ZC3H12B: variants seen among roughly 807,000 people sequenced by gnomAD.
ZC3H12B encodes probable ribonuclease ZC3H12B.
ZC3H12B carries 7 observed loss-of-function variants against 43.9 expected under a neutral mutation model. The ratio of observed to expected loss-of-function variants is 0.16; its 90% CI spans 0.09 to 0.30. The LOEUF (loss-of-function observed/expected upper bound fraction) is 0.30. ZC3H12B is among the 10% of genes least tolerant of loss of function. The probability of loss-of-function intolerance (pLI) is 1.00; values close to 1 mark genes in which losing one functional copy is unlikely to be tolerated. For missense variants in ZC3H12B, 475 were observed against 670.2 expected (o/e 0.71, Z 3.22); for synonymous variants, 222 against 241.7 (o/e 0.92, Z 0.76).
At chrX:65,186,131 G>T in the ZC3H12B span, 2 of 111,544 alleles carry the variant, frequency 1.8e-5, no homozygotes, top group Non-Finnish European at 3.8e-5. Context: ...ATTACTCTTT[G>T]TGTCTTTCAC....
chrX:65,379,551 T>A (rs2066404885), intron 2 of ZC3H12B, among the ~76,000 whole-genome samples: 1 of 111,716 alleles, frequency 9.0e-6, no homozygotes, highest in African/African-American at 3.3e-5. Context: ...GCAGAGCGCC[T>A]CTCCTCCTCC....
chrX:65,493,860 C>T (rs1387004825), intron 1 of ZC3H12B, among the ~76,000 whole-genome samples: 1 of 111,460 alleles, frequency 9.0e-6, no homozygotes, highest in African/African-American at 3.3e-5. Context: ...CTTTATTTTC[C>T]TCTTTTTTTT....
At chrX:65,382,977 T>G (rs1399873286) in intron 2 of ZC3H12B, among the ~76,000 whole-genome samples, 1 of 111,165 alleles carries the variant, frequency 9.0e-6, no homozygotes, top group Non-Finnish European at 1.9e-5. Context: ...TGGAAGAACA[T>G]TCCATGCTCA....
the ZC3H12B span, among the ~76,000 whole-genome samples, chrX:65,171,631 C>T: frequency 9.0e-6 from 1 of 111,402 alleles, no homozygotes; most frequent in African/African-American, 3.3e-5. Flanking sequence ...CTATGCTGTG[C>T]CCCCAGAGGT....
the ZC3H12B span, among the ~76,000 whole-genome samples, chrX:65,207,784 C>T: frequency 1.3e-3 from 87 of 65,739 alleles, no homozygotes; most frequent in Non-Finnish European, 2.0e-3. Flanking sequence ...GCCATTTTCA[C>T]GATATTGATT....
chrX:65,274,727 C>T, the ZC3H12B span, among the ~76,000 whole-genome samples: 1 of 110,661 alleles, frequency 9.0e-6, no homozygotes, highest in Non-Finnish European at 1.9e-5. Flanking sequence ...CCACAGCACC[C>T]TCCCCACTCA....
At chrX:65,178,782 G>A in the ZC3H12B span, among the ~76,000 whole-genome samples, 1 of 112,152 alleles carries the variant, frequency 8.9e-6, no homozygotes, top group African/African-American at 3.2e-5. Flanking sequence ...AGAGGATGTG[G>A]AGAAATAGGA....
At chrX:65,058,084 C>T in the ZC3H12B span, among the ~76,000 whole-genome samples, 1 of 112,486 alleles carries the variant, frequency 8.9e-6, no homozygotes, top group Non-Finnish European at 1.9e-5. Flanking sequence ...CTCTCAACTC[C>T]TCAGAGGCAT....
At chrX:65,143,218 G>C in the ZC3H12B span, among the ~76,000 whole-genome samples, 1 of 110,767 alleles carries the variant, frequency 9.0e-6, no homozygotes, top group Non-Finnish European at 1.9e-5. Context: ...GCTCTTTCAC[G>C]TTCTTGGTTA....
At chrX:65,466,915 A>AACATATATAT (rs1320106217) in intron 3 of ZC3H12B, among the ~76,000 whole-genome samples, 1 of 23,932 alleles carries the variant, frequency 4.2e-5, no homozygotes, top group Non-Finnish European at 1.6e-4. Context: ...TATAAAACCA[A>AACATATATAT]ATATATATAT....
intron 3 of ZC3H12B, among the ~76,000 whole-genome samples, chrX:65,407,420 G>C (rs1264379648): frequency 8.8e-6 from 1 of 113,034 alleles, no homozygotes; most frequent in East Asian, 2.8e-4. Context: ...TCCCCGCCTA[G>C]TCATCCCTCG....
the ZC3H12B span, among the ~76,000 whole-genome samples, chrX:65,299,029 G>A: frequency 9.0e-6 from 1 of 111,566 alleles, no homozygotes; most frequent in African/African-American, 3.3e-5. Flanking sequence ...TGACACGTGG[G>A]GATAATGGGG....
In ZC3H12B at chrX:65,402,422, C is replaced by A. The variant is rs2066774527; in HGVS notation, n.407+3718C>A. ...CCTGAAGGGAAGGACACAGGCCTGG[C>A]TGGCTTTGCCACCTGGTGATTATAG... is the stretch of plus-strand genomic sequence containing the variant. On this transcript the variant is annotated intron_variant and non_coding_transcript_variant, in intron 3 of 5. Transcript: ENST00000617377. Among the ~76,000 whole-genome samples, 3 of 111,881 alleles carry A rather than the reference C, an allele frequency of 2.7e-5. No homozygotes were observed. In the South Asian group the frequency reaches 1.1e-3, roughly 42 times the overall value.
the ZC3H12B span, among the ~76,000 whole-genome samples, chrX:65,265,877 A>G: frequency 9.0e-6 from 1 of 111,704 alleles, no homozygotes; most frequent in African/African-American, 3.2e-5. Context: ...GCACAAGACC[A>G]TAATCCCTGA....
At chrX:65,363,169 T>G (rs1602320423), upstream of ZC3H12B, among the ~76,000 whole-genome samples, 1 of 111,201 alleles carries the variant, frequency 9.0e-6, no homozygotes, top group East Asian at 2.8e-4. Context: ...CCTTATTCAA[T>G]ATATTGATAA....
the ZC3H12B span, among the ~76,000 whole-genome samples, chrX:65,089,501 G>T: frequency 8.9e-6 from 1 of 111,932 alleles, no homozygotes; most frequent in Non-Finnish European, 1.9e-5. Context: ...AGTGGTGAAT[G>T]AATGTGAAGG....
chrX:65,111,555 TA>T, the ZC3H12B span, among the ~76,000 whole-genome samples: 36 of 86,397 alleles, frequency 4.2e-4, no homozygotes, highest in Non-Finnish European at 5.9e-4. Flanking sequence ...ATTTTTTTAT[TA>T]TTTTTTTTTT....
At chrX:65,054,710 T>C in the ZC3H12B span, among the ~76,000 whole-genome samples, 1 of 112,144 alleles carries the variant, frequency 8.9e-6, no homozygotes, top group South Asian at 3.7e-4. Context: ...TGATTCTTGC[T>C]ATCCATGAGC....
chrX:65,322,282 A>T, the ZC3H12B span, among the ~76,000 whole-genome samples: 1 of 111,733 alleles, frequency 8.9e-6, no homozygotes, highest in Admixed American at 9.5e-5. Context: ...GAATGGCATT[A>T]ATCTATTCAT....
Sources: gnomAD v4.1 joint callset for allele counts (sites outside exome capture counted in the v4.1 genomes callset) on GRCh38, gnomAD v4.1.1 for gene constraint, MANE v1.5 for transcripts, NCBI Gene and HGNC (gene_info 2026-07-23, HGNC 2026-07-21) for gene names.